The following EYA1 variants were observed in gnomAD, a reference collection of about 807,000 sequenced individuals.
The protein encoded by EYA1 is EYA transcriptional coactivator and phosphatase 1.
A neutral mutation model predicts 82.0 loss-of-function variants in EYA1; 16 were observed. That is an observed-to-expected ratio of 0.20 (90% CI 0.13 to 0.30). The LOEUF is 0.30. Ranked by LOEUF, EYA1 falls within the 10% of genes least tolerant of loss-of-function variation. The pLI is 1.00. For missense variants in EYA1, 633 were observed against 730.7 expected, an observed-to-expected ratio of 0.87 and a Z score of 1.54; for synonymous variants, 261 against 264.4, an observed-to-expected ratio of 0.99 and a Z score of 0.12.
At chr8:71,436,612 A>G (rs1806033579) in intron 2 of EYA1, among the ~76,000 whole-genome samples, 1 of 152,188 alleles carries the variant, frequency 6.6e-6, no homozygotes. Context: ...CTGTAATGCA[A>G]TATAGGACAC....
At chr8:71,205,722 G>C (rs6472572) in intron 17 of EYA1, among the ~76,000 whole-genome samples, 30,374 of 152,050 alleles carry the variant, frequency 0.2, 3,130 homozygotes, top group African/African-American at 0.25. Flanking sequence ...ATTAACGAAA[G>C]AGGCAACTGG....
chr8:71,485,637 T>C (rs1248410364), intron 2 of EYA1, among the ~76,000 whole-genome samples: 3 of 152,222 alleles, frequency 2.0e-5, no homozygotes, highest in Non-Finnish European at 4.4e-5. Flanking sequence ...TACCTCTGGA[T>C]GGAATATGGC....
chr8:71,336,684 T>A (rs1192383233), intron 3 of EYA1, among the ~76,000 whole-genome samples: 1 of 152,178 alleles, frequency 6.6e-6, no homozygotes, highest in Non-Finnish European at 1.5e-5. Context: ...TACTTTTCTT[T>A]TAGGCCCCAA....
At chr8:71,435,420 T>C (rs1295553190) in intron 2 of EYA1, among the ~76,000 whole-genome samples, 1 of 152,050 alleles carries the variant, frequency 6.6e-6, no homozygotes, top group Admixed American at 6.6e-5. Flanking sequence ...TATTTATTTT[T>C]CCTTTTAATT....
chr8:71,349,881 A>C (rs1826135229), intron 3 of EYA1, among the ~76,000 whole-genome samples: 1 of 152,240 alleles, frequency 6.6e-6, no homozygotes, highest in African/African-American at 2.4e-5. Context: ...ATAATAGGTT[A>C]TTCATAAGTA....
intron 2 of EYA1, among the ~76,000 whole-genome samples, chr8:71,370,252 T>C (rs1420294477): frequency 6.6e-6 from 1 of 151,742 alleles, no homozygotes; most frequent in East Asian, 1.9e-4. Context: ...ATTGTAGGTG[T>C]GTCCACAACA....
intron 12 of EYA1, among the ~76,000 whole-genome samples, chr8:71,219,066 C>T (rs1050258786): frequency 6.6e-6 from 1 of 152,128 alleles, no homozygotes; most frequent in Admixed American, 6.5e-5. Flanking sequence ...AGCTGTAAAT[C>T]CTCATTACTA....
At chr8:71,448,861 G>A (rs182549434) in intron 2 of EYA1, 49 of 169,706 alleles carry the variant, frequency 2.9e-4, no homozygotes, top group Non-Finnish European at 6.0e-4. Flanking sequence ...AAATGCATAT[G>A]ATCAAATAGG....
chr8:71,447,745 C>T (rs972603104), intron 2 of EYA1, among the ~76,000 whole-genome samples: 3 of 152,120 alleles, frequency 2.0e-5, no homozygotes, highest in Non-Finnish European at 2.9e-5. Flanking sequence ...AGCATTATGT[C>T]TAATAATACA....
intron 2 of EYA1, among the ~76,000 whole-genome samples, chr8:71,504,181 A>T (rs2129240828): frequency 6.6e-6 from 1 of 152,328 alleles, no homozygotes; most frequent in Admixed American, 6.5e-5. Flanking sequence ...TTACAAAAAA[A>T]TTTGAATTTA....
Position 71,254,968 on chromosome 8 carries a change from A to G in EYA1, c.1051-10276T>C, listed in dbSNP as rs1563702900. On this transcript the variant is annotated intron_variant, in intron 11 of 17. Transcript: ENST00000340726. ...ACACTAACAACGACTAAGCCAGGAA[A>G]TAAATTAAGAAAATGATTCCATTTA... 2.0e-5 allele frequency among the ~76,000 whole-genome samples: 3 copies of G among 152,146 alleles called. No individual in the cohort carries two copies. In the South Asian group the frequency reaches 6.2e-4, roughly 32 times the overall value.
chr8:71,268,723 A>G (rs1008370365), intron 11 of EYA1, among the ~76,000 whole-genome samples: 1 of 152,196 alleles, frequency 6.6e-6, no homozygotes, highest in Non-Finnish European at 1.5e-5. Context: ...AGATGATGAA[A>G]AGGAAATCTG....
In EYA1 at chr8:71,198,031, G is replaced by A. The variant is rs887158386; in HGVS notation, c.*1309C>T. 1.3e-5 allele frequency: 2 copies of A among 152,156 alleles called. No individual in the cohort carries two copies. Among genetic ancestry groups the A allele is most frequent in the African/African-American group, 2.4e-5 (1 of 41,438 alleles). 9.4% of individuals were successfully genotyped at this position (152,156 alleles called of 1,614,324 possible). A position where few individuals can be genotyped will look rare whatever the true frequency, so the allele number is the denominator to read the frequency against. On this transcript the variant is annotated 3_prime_UTR_variant, in exon 18 of 18. Transcript: ENST00000340726. ...GGTGACAGGAAGAAAGAGAAAATAC[G>A]CACATAGGGAGTAATGCAAAGTTTG...
intron 3 of EYA1, among the ~76,000 whole-genome samples, chr8:71,335,021 C>G (rs1824321468): frequency 6.6e-6 from 1 of 152,202 alleles, no homozygotes; most frequent in African/African-American, 2.4e-5. Context: ...TCTAGTTTTA[C>G]ATTTTTTTAA....
At chr8:71,380,527 C>G (rs1828638998) in intron 2 of EYA1, among the ~76,000 whole-genome samples, 1 of 152,146 alleles carries the variant, frequency 6.6e-6, no homozygotes, top group African/African-American at 2.4e-5. Context: ...CTTTCTTCTT[C>G]TAGTCATTCT....
chr8:71,485,311 T>A (rs1394129906), intron 2 of EYA1, among the ~76,000 whole-genome samples: 1 of 152,174 alleles, frequency 6.6e-6, no homozygotes, highest in African/African-American at 2.4e-5. Context: ...CTAAAACCAA[T>A]TTTTCTTTCA....
At chr8:71,535,958 A>G (rs999921592) in intron 1 of EYA1, 2 of 409,652 alleles carry the variant, frequency 4.9e-6, no homozygotes, top group African/African-American at 4.1e-5. Context: ...ACAAGTCAAG[A>G]ACACTTACCT....
intron 11 of EYA1, among the ~76,000 whole-genome samples, chr8:71,265,438 T>C (rs945763507): frequency 8.5e-5 from 13 of 152,234 alleles, no homozygotes; most frequent in Middle Eastern, 3.2e-3. Context: ...TCATGTTTTG[T>C]TTTTTGTTGA....
chr8:71,334,464 A>G (rs1010763077), intron 3 of EYA1: 9 of 443,940 alleles, frequency 2.0e-5, no homozygotes, highest in East Asian at 9.5e-5. Context: ...TTATTGATAA[A>G]TTATCTCTCA....
Sources: allele counts gnomAD v4.1 joint callset (sites outside exome capture counted in the v4.1 genomes callset), GRCh38; gene constraint gnomAD v4.1.1; transcripts MANE v1.5; gene names NCBI Gene and HGNC (gene_info 2026-07-23, HGNC 2026-07-21).